The following SEMA5A variants were observed in gnomAD, a reference collection of about 807,000 sequenced individuals.
SEMA5A encodes semaphorin 5A.
Under a neutral mutation model 135.5 loss-of-function variants are expected in SEMA5A, and 55 were observed. The ratio of observed to expected loss-of-function variants is 0.41; its 90% CI spans 0.33 to 0.51. The LOEUF (loss-of-function observed/expected upper bound fraction) is 0.51. Ranked by LOEUF, SEMA5A falls within the 20% of genes least tolerant of loss-of-function variation. SEMA5A has a pLI of 0.37. For missense variants in SEMA5A, 1,290 were observed against 1,419.9 expected (o/e 0.91, Z 1.47); for synonymous variants, 580 against 546.5 (o/e 1.06, Z -0.85).
At chr5:9,524,330 A>G (rs942292192) in intron 1 of SEMA5A, among the ~76,000 whole-genome samples, 1 of 152,196 alleles carries the variant, frequency 6.6e-6, no homozygotes, top group Non-Finnish European at 1.5e-5. Flanking sequence ...GGACTAATAC[A>G]AGATCATACT....
chr5:9,161,513 A>T (rs1471989517), intron 11 of SEMA5A, among the ~76,000 whole-genome samples: 1 of 152,276 alleles, frequency 6.6e-6, no homozygotes, highest in Admixed American at 6.5e-5. Flanking sequence ...TGTAATCAAT[A>T]TAAAATATTT....
intron 9 of SEMA5A, among the ~76,000 whole-genome samples, chr5:9,197,728 T>TTGTGTGTGTGTG (rs70943946): frequency 7.9e-4 from 47 of 59,282 alleles, no homozygotes; most frequent in African/African-American, 2.1e-3. Context: ...GGAAAGCTGT[T>TTGTGTGTGTGTG]TGTGTGTGTG....
intron 11 of SEMA5A, among the ~76,000 whole-genome samples, chr5:9,161,877 C>T (rs1743276502): frequency 6.6e-6 from 1 of 152,210 alleles, no homozygotes; most frequent in Non-Finnish European, 1.5e-5. Flanking sequence ...GATGGAGGTT[C>T]ACCAAGGTGA....
At chr5:9,478,990 T>C (rs1759773903) in intron 1 of SEMA5A, among the ~76,000 whole-genome samples, 2 of 152,052 alleles carry the variant, frequency 1.3e-5, no homozygotes, top group African/African-American at 4.8e-5. Context: ...ATCATTGGGG[T>C]AGTTTCCCCC....
chr5:9,391,272 A>G (rs1232823086), intron 2 of SEMA5A, among the ~76,000 whole-genome samples: 1 of 152,190 alleles, frequency 6.6e-6, no homozygotes, highest in East Asian at 1.9e-4. Flanking sequence ...CAAATGACGC[A>G]ATGGCTTTGT....
intron 12 of SEMA5A, among the ~76,000 whole-genome samples, chr5:9,148,871 T>G (rs1742481667): frequency 6.6e-6 from 1 of 152,110 alleles, no homozygotes; most frequent in Non-Finnish European, 1.5e-5. Flanking sequence ...AGGCATGCGC[T>G]ACCATGTCCA....
chr5:9,334,957 T>A (rs753070194), intron 4 of SEMA5A, among the ~76,000 whole-genome samples: 2 of 152,102 alleles, frequency 1.3e-5, no homozygotes, highest in Non-Finnish European at 2.9e-5. Context: ...GCAGACCATG[T>A]TGATATGCAA....
intron 5 of SEMA5A, among the ~76,000 whole-genome samples, chr5:9,311,579 T>G (rs1256688383): frequency 2.7e-5 from 3 of 112,952 alleles, no homozygotes; most frequent in Non-Finnish European, 5.1e-5. Context: ...AACATCACAC[T>G]CCGGGGACTG....
chr5:9,408,844 T>A (rs575918487), intron 2 of SEMA5A, among the ~76,000 whole-genome samples: 29 of 151,888 alleles, frequency 1.9e-4, no homozygotes, highest in Non-Finnish European at 2.9e-4. Flanking sequence ...ATTTTTTTTT[T>A]AAATGTCATA....
intron 8 of SEMA5A, among the ~76,000 whole-genome samples, chr5:9,214,924 G>A (rs761772664): frequency 5.9e-5 from 9 of 152,194 alleles, no homozygotes; most frequent in Non-Finnish European, 1.3e-4. Flanking sequence ...AATGAATCTT[G>A]ACTTGCTGGA....
At chr5:9,466,996 G>T (rs751984349) in intron 1 of SEMA5A, among the ~76,000 whole-genome samples, 1 of 152,218 alleles carries the variant, frequency 6.6e-6, no homozygotes, top group Non-Finnish European at 1.5e-5. Context: ...AGGCAGAAAG[G>T]CATCCTCATA....
chr5:9,206,536 A>G (rs2150377458), intron 8 of SEMA5A, among the ~76,000 whole-genome samples: 1 of 152,254 alleles, frequency 6.6e-6, no homozygotes, highest in East Asian at 1.9e-4. Context: ...CTCCCATTCT[A>G]TATTCTTTCT....
chr5:9,237,421 T>A (rs1327736326), intron 6 of SEMA5A, among the ~76,000 whole-genome samples: 1 of 152,196 alleles, frequency 6.6e-6, no homozygotes, highest in African/African-American at 2.4e-5. Flanking sequence ...AGATAAAGAA[T>A]CTATCACAAA....
At chr5:9,480,224 C>T (rs1329280413) in intron 1 of SEMA5A, among the ~76,000 whole-genome samples, 1 of 152,104 alleles carries the variant, frequency 6.6e-6, no homozygotes, top group East Asian at 1.9e-4. Flanking sequence ...CAGTAAAAAC[C>T]AATGGTTCAG....
intron 16 of SEMA5A, among the ~76,000 whole-genome samples, chr5:9,099,623 G>A (rs1204735976): frequency 6.6e-6 from 1 of 152,194 alleles, no homozygotes; most frequent in African/African-American, 2.4e-5. Context: ...AATTATTAAG[G>A]AGGGACATGT....
At chr5:9,318,273 G>T in intron 5 of SEMA5A, 99 bp downstream of exon 5, 2 of 1,182,892 alleles carry the variant, frequency 1.7e-6, no homozygotes, top group Non-Finnish European at 2.4e-6. Flanking sequence ...CCCTGCTCAG[G>T]CTGGATTAAC....
chr5:9,305,202 A>C (rs546931270), intron 5 of SEMA5A, among the ~76,000 whole-genome samples: 1 of 152,052 alleles, frequency 6.6e-6, no homozygotes, highest in Non-Finnish European at 1.5e-5. Flanking sequence ...TTCATCTCTT[A>C]GTCTTTATTC....
intron 5 of SEMA5A, among the ~76,000 whole-genome samples, chr5:9,299,613 C>T (rs2150606565): frequency 6.6e-6 from 1 of 152,202 alleles, no homozygotes; most frequent in East Asian, 1.9e-4. Flanking sequence ...CAGCGTTGGG[C>T]TCAGATGTCA....
At chr5:9,146,230 C>T (rs1012087063) in intron 12 of SEMA5A, among the ~76,000 whole-genome samples, 4 of 152,136 alleles carry the variant, frequency 2.6e-5, no homozygotes, top group Admixed American at 6.5e-5. Context: ...CCTCACTGTC[C>T]TAATTAGCAC....
Sources: allele counts gnomAD v4.1 joint callset (sites outside exome capture counted in the v4.1 genomes callset), GRCh38; gene constraint gnomAD v4.1.1; transcripts MANE v1.5; gene names NCBI Gene and HGNC (gene_info 2026-07-23, HGNC 2026-07-21).